The following FAM186A variants were observed in gnomAD, a reference collection of about 807,000 sequenced individuals.
The protein encoded by FAM186A is protein FAM186A.
In FAM186A, 163 loss-of-function variants were observed where a neutral mutation model predicts 216.8. The observed-to-expected ratio is 0.75, with a 90% CI of 0.66 to 0.86. The LOEUF (loss-of-function observed/expected upper bound fraction) is 0.86, where lower values mean the gene tolerates loss of function less well. Among genes scored for constraint, FAM186A ranks in the 40% least tolerant of loss-of-function variants. The pLI is 0.00. For synonymous variants in FAM186A, 805 were observed against 1,025.3 expected (o/e 0.79, Z 4.10); for missense variants, 2,184 against 2,746.2 (o/e 0.80, Z 4.58).
intron 1 of FAM186A, among the ~76,000 whole-genome samples, chr12:50,380,986 C>A: frequency 7.8e-3 from 1 of 128 alleles, no homozygotes; most frequent in South Asian, 0.17. Flanking sequence ...GGCACAGGCA[C>A]AGTGCCGACT....
intron 4 of FAM186A, among the ~76,000 whole-genome samples, chr12:50,336,547 T>C (rs942659898): frequency 1.8e-4 from 27 of 152,196 alleles, no homozygotes; most frequent in Non-Finnish European, 7.3e-5. Context: ...TTCAGGAATC[T>C]GCATTTTAAA....
intron 4 of FAM186A, among the ~76,000 whole-genome samples, chr12:50,350,024 T>A (rs1166413450): frequency 6.6e-6 from 1 of 152,078 alleles, no homozygotes; most frequent in East Asian, 1.9e-4. Flanking sequence ...ATGAAAGAAA[T>A]TCAGAATAAC....
intron 1 of FAM186A, among the ~76,000 whole-genome samples, chr12:50,391,705 G>A (rs1024313479): frequency 2.7e-5 from 4 of 150,154 alleles, no homozygotes; most frequent in Non-Finnish European, 5.9e-5. Flanking sequence ...CTGCCTCCTA[G>A]GCAGATTCTC....
chr12:50,391,071 C>T (rs1250231019), intron 1 of FAM186A, among the ~76,000 whole-genome samples: 1 of 151,966 alleles, frequency 6.6e-6, no homozygotes, highest in Non-Finnish European at 1.5e-5. Context: ...TCACTGCAAC[C>T]TCCACCTCCC....
Position 50,352,779 on chromosome 12 carries a change from G to A in FAM186A, c.4053C>T (p.Leu1351=), listed in dbSNP as rs1221835171. 1.3e-6 allele frequency: 2 copies of A among 1,545,026 alleles called. No individual in the cohort carries two copies. The highest frequency in any genetic ancestry group is 1.7e-6 in the Non-Finnish European group (2 of 1,144,364). Residue 1351 remains leucine (L), a synonymous_variant, in exon 4 of 8, where the codon CTC becomes CTT. Transcript: ENST00000327337. Reference sequence around the variant, plus strand: ...CCAGTTCCTGAGCCTGCTGAGTGGTGAGAGGCATCCCCAAGGCCTGGGCCT... The same window carrying A: ...CCAGTTCCTGAGCCTGCTGAGTGGTAAGAGGCATCCCCAAGGCCTGGGCCT... ...PQQAQALGMP[L]TTQQAQELGI... is the part of the protein sequence containing the mutation.
rs1298435510 is a variant in FAM186A at position 50,352,226 on chromosome 12, C to G, written c.4606G>C (p.Ala1536Pro). The G allele has an allele frequency of 2.0e-6, 3 of 1,514,714 alleles. No individual in the cohort carries two copies. Among genetic ancestry groups the G allele is most frequent in the African/African-American group, 1.6e-5 (1 of 62,286 alleles). The allele number at this position is 1,514,714 out of a possible 1,614,324, so 93.8% of individuals were successfully genotyped here. A position where few individuals can be genotyped will look rare whatever the true frequency, so the allele number is the denominator to read the frequency against. Reference protein sequence around the residue: ...ALGIPLIPPQAQELGIPLTPQ... With the variant: ...ALGIPLIPPQPQELGIPLTPQ... ...GTGAGAGGGATCCCCAATTCCTGAG[C>G]CTGCGGAGGGATCAGAGGGATCCCC... is the stretch of plus-strand genomic sequence containing the variant. Residue 1536 changes from alanine to proline, a missense_variant, in exon 4 of 8, where the codon GCT becomes CCT. Transcript: ENST00000327337.
intron 1 of FAM186A, among the ~76,000 whole-genome samples, chr12:50,381,306 G>A (rs1455526823): frequency 1.3e-5 from 2 of 152,162 alleles, no homozygotes; most frequent in Admixed American, 6.6e-5. Context: ...CCAAGTTCTT[G>A]TCTTGCATTC....
Position 50,354,330 on chromosome 12 carries a change from C to T in FAM186A, c.2502G>A (p.Met834Ile), listed in dbSNP as rs1565886563. ...EQYLQEGQEQ[M>I]SGMSLKQQLL... ...ACTGCTGTTTGAGACTCATGCCAGA[C>T]ATTTGTTCTTGACCCTCTTGCAAAT... Residue 834 changes from methionine (M) to isoleucine (I), a missense_variant, in exon 4 of 8, where the codon ATG (methionine) becomes ATA (isoleucine). Coordinates refer to ENST00000327337, the MANE Select transcript of FAM186A (RefSeq NM_001145475.3). 3 of 1,551,724 alleles carry T rather than the reference C, an allele frequency of 1.9e-6. No homozygotes were observed. The highest frequency in any genetic ancestry group is 2.4e-5 in the South Asian group (2 of 84,060).
rs1053144346 is a variant in FAM186A at position 50,363,209 on chromosome 12, G to A, written c.348C>T (p.Tyr116=). 4 of 1,551,472 alleles carry A rather than the reference G, an allele frequency of 2.6e-6. No individual in the cohort carries two copies. Among genetic ancestry groups the A allele is most frequent in the African/African-American group, 1.4e-5 (1 of 73,142 alleles). ...RTNFLEKMAT[Y]AKTIEIREKT... ...TTTCTCTTATTTCAATAGTCTTAGC[G>A]TAAGTAGCCATTTTCTCAAGAAAAT... Residue 116 remains tyrosine, a synonymous_variant, in exon 2 of 8, where the codon TAC becomes TAT. Coordinates refer to ENST00000327337, the MANE Select transcript of FAM186A (RefSeq NM_001145475.3).
At chr12:50,385,267 A>T (rs1490706215) in intron 1 of FAM186A, among the ~76,000 whole-genome samples, 1 of 150,980 alleles carries the variant, frequency 6.6e-6, no homozygotes, top group Non-Finnish European at 1.5e-5. Flanking sequence ...AATATACAAA[A>T]ATTAGCTGGG....
intron 3 of FAM186A, among the ~76,000 whole-genome samples, chr12:50,357,960 G>A (rs372691719): frequency 4.2e-5 from 6 of 143,516 alleles, no homozygotes; most frequent in East Asian, 2.1e-4. Flanking sequence ...CCTGGGTGAC[G>A]GAGTGAGACT....
chr12:50,334,225 G>C (rs1301107170), intron 4 of FAM186A, 122 bp from the exon 5 acceptor site: 1 of 807,720 alleles, frequency 1.2e-6, no homozygotes, highest in African/African-American at 1.8e-5. Flanking sequence ...GGCTGGAGGT[G>C]CAATGGTGCA....
chr12:50,335,619 G>A (rs1026583764), intron 4 of FAM186A, among the ~76,000 whole-genome samples: 28 of 151,706 alleles, frequency 1.8e-4, no homozygotes, highest in African/African-American at 6.5e-4. Context: ...ACTCCAGCCT[G>A]GGCAACAGAG....
rs1020786693 is a variant in FAM186A at position 50,329,089 on chromosome 12, T to C, written c.7034+1484A>G. The stretch of plus-strand genomic sequence containing the variant: ...GAGCCAAGATTGCACCACTGCACTC[T>C]AGCATGGACGACAGAGGAAGACTCC... On this transcript the variant is annotated intron_variant, in intron 7 of 7. Coordinates refer to ENST00000327337, the MANE Select transcript of FAM186A (RefSeq NM_001145475.3). Among the ~76,000 whole-genome samples, 3 of 152,042 alleles carry C rather than the reference T, an allele frequency of 2.0e-5. No homozygotes were observed. In the South Asian group the frequency reaches 6.2e-4, roughly 32 times the overall value.
intron 1 of FAM186A, among the ~76,000 whole-genome samples, chr12:50,385,975 C>T (rs984434817): frequency 6.6e-6 from 1 of 151,644 alleles, no homozygotes; most frequent in Non-Finnish European, 1.5e-5. Context: ...TGGGGATGGG[C>T]AGATTGTGGA....
intron 1 of FAM186A, among the ~76,000 whole-genome samples, chr12:50,381,555 GATTA>G (rs1046496513): frequency 6.6e-6 from 1 of 151,598 alleles, no homozygotes; most frequent in Non-Finnish European, 1.5e-5. Context: ...AAAAAAAATT[GATTA>G]ATTAATTAAT....
rs1475238912 is a variant in FAM186A at position 50,350,743 on chromosome 12, G to T, written c.6089C>A (p.Pro2030His). 1 of 1,551,662 alleles carries T rather than the reference G, an allele frequency of 6.4e-7. No individual in the cohort carries two copies. The highest frequency in any genetic ancestry group is 8.7e-7 in the Non-Finnish European group (1 of 1,146,988). ...TKYRTPVYQTPYTDERALLTL... is the reference protein window; with the variant it reads ...TKYRTPVYQTHYTDERALLTL... The stretch of plus-strand genomic sequence containing the variant: ...GAGAAGGGCCCTTTCATCAGTGTAA[G>T]GGGTTTGGTATACTGGTGTCCTATA... The change falls in exon 4 of 8, where the codon CCT (proline) becomes CAT (histidine). Residue 2030 changes from proline (P) to histidine (H), a missense_variant. Physicochemically the swap from Pro to His is moderately conservative, Grantham distance 77 (BLOSUM62 -2). Coordinates refer to ENST00000327337, the MANE Select transcript of FAM186A (RefSeq NM_001145475.3).
Position 50,353,911 on chromosome 12 carries a change from CCT to C in FAM186A, c.2919_2920del (p.Gly974AlafsTer22), listed in dbSNP as rs1401254351. ...GATCTGCCTTTCGAGGTCCTCTAGC[CCT>C]CTCTCTGGCTTCTGCTTTTCCTTCC... On this transcript the variant is annotated frameshift_variant, in exon 4 of 8. Transcript: ENST00000327337. LOFTEE classifies it high-confidence loss of function. 3.9e-6 allele frequency: 6 copies of C among 1,552,686 alleles called. No individual in the cohort carries two copies. The highest frequency in any genetic ancestry group is 5.2e-6 in the Non-Finnish European group (6 of 1,147,744).
At chr12:50,344,441 T>C (rs1367784285) in intron 4 of FAM186A, among the ~76,000 whole-genome samples, 1 of 152,186 alleles carries the variant, frequency 6.6e-6, no homozygotes, top group African/African-American at 2.4e-5. Context: ...GCAAAGGACA[T>C]GATTTTGTTC....
Sources: gnomAD v4.1 joint callset for allele counts (sites outside exome capture counted in the v4.1 genomes callset) on GRCh38, gnomAD v4.1.1 for gene constraint, MANE v1.5 for transcripts, NCBI Gene and HGNC (gene_info 2026-07-23, HGNC 2026-07-21) for gene names.